Variants in CCDC63 observed in about 807,000 individuals in gnomAD.
CCDC63 encodes coiled-coil domain-containing protein 63.
Under a neutral mutation model 63.6 loss-of-function variants are expected in CCDC63, and 54 were observed. The ratio of observed to expected loss-of-function variants is 0.85; its 90% CI spans 0.68 to 1.07. The LOEUF is 1.07. Ranked by LOEUF, CCDC63 falls within the 50% of genes least tolerant of loss-of-function variation. The probability of loss-of-function intolerance (pLI) is 0.00; values close to 1 mark genes in which losing one functional copy is unlikely to be tolerated. For missense variants in CCDC63, 637 were observed against 689.6 expected, an observed-to-expected ratio of 0.92 and a Z score of 0.86; for synonymous variants, 253 against 266.1, an observed-to-expected ratio of 0.95 and a Z score of 0.48.
chr12:110,888,777 TG>T (rs2071316601), intron 8 of CCDC63, among the ~76,000 whole-genome samples: 1 of 150,712 alleles, frequency 6.6e-6, no homozygotes, highest in South Asian at 2.1e-4. Context: ...ACTTTTTTTT[TG>T]GTCCTTCTTT....
At chr12:110,845,986 TAC>T (rs916485849), upstream of CCDC63, 4 of 132,648 alleles carry the variant, frequency 3.0e-5, no homozygotes, top group African/African-American at 8.4e-5. Context: ...AAAAAAGAAA[TAC>T]ACAGGGTTTC....
chr12:110,863,616 C>G (rs1195093307), intron 4 of CCDC63, among the ~76,000 whole-genome samples: 1 of 151,256 alleles, frequency 6.6e-6, no homozygotes. Flanking sequence ...TCTCGGCTCA[C>G]TGCAACCTTT....
At chr12:110,844,527 C>T (rs764468761), upstream of CCDC63, among the ~76,000 whole-genome samples, 5 of 152,218 alleles carry the variant, frequency 3.3e-5, no homozygotes, top group Non-Finnish European at 5.9e-5. Flanking sequence ...AAAGCATCTC[C>T]CTCTACCCCA....
intron 9 of CCDC63, among the ~76,000 whole-genome samples, chr12:110,893,990 CAAAAA>C (rs35844792): frequency 6.8e-5 from 8 of 117,550 alleles, no homozygotes; most frequent in African/African-American, 1.7e-4. Context: ...GACCCTGTCT[CAAAAA>C]AAAAAAAAAA....
At position 110,893,090 on chromosome 12, in the gene CCDC63, C is replaced by G; in HGVS notation, c.1089C>G (p.Leu363=). 1 of 1,614,134 alleles carries G rather than the reference C, an allele frequency of 6.2e-7. No individual in the cohort carries two copies. Among genetic ancestry groups the G allele is most frequent in the Non-Finnish European group, 8.5e-7 (1 of 1,179,998 alleles). The change falls in exon 9 of 12, where the codon CTC becomes CTG. Residue 363 remains leucine (L), a synonymous_variant. Coordinates refer to ENST00000308208, the MANE Select transcript of CCDC63 (RefSeq NM_152591.3). ...CTCCCGAGCAGGACGAGATCATCCT[C>G]TTGCGATCCCAGCAGAAATTGTCCC... ...RTQRIQDEII[L]LRSQQKLSHD... is the part of the protein sequence containing the mutation.
At chr12:110,871,191 G>T (rs918617684) in intron 4 of CCDC63, among the ~76,000 whole-genome samples, 3 of 152,138 alleles carry the variant, frequency 2.0e-5, no homozygotes, top group Non-Finnish European at 4.4e-5. Flanking sequence ...GCCCAGGCTG[G>T]AGTGCAGTGG....
At chr12:110,852,667 GTT>G (rs2136640610) in intron 1 of CCDC63, among the ~76,000 whole-genome samples, 190 bp from the exon 2 acceptor site, 1 of 152,254 alleles carries the variant, frequency 6.6e-6, no homozygotes, top group African/African-American at 2.4e-5. Flanking sequence ...AGAGAACCAG[GTT>G]CCAGGCAAAC....
intron 3 of CCDC63, among the ~76,000 whole-genome samples, chr12:110,857,959 A>G (rs2070795852): frequency 6.6e-6 from 1 of 152,016 alleles, no homozygotes; most frequent in Non-Finnish European, 1.5e-5. Flanking sequence ...TACAAAAAGT[A>G]ACTGGGCATG....
chr12:110,907,395 GA>G lies in CCDC63; in HGVS notation c.1613del (p.Asn538IlefsTer24). The stretch of plus-strand genomic sequence containing the variant: ...TTCTCGACAATTATATCCTGAAGGA[GA>G]ATCGGAGTAAGGAAGTGCGCGGAGA... Reference protein sequence around the residue: ...LVLDNYILKENRSKEVRGDSL... With the variant: ...LVLDNYILKEXRSKEVRGDSL... On this transcript the variant is annotated frameshift_variant, in exon 12 of 12. Transcript: ENST00000308208. LOFTEE classifies it low-confidence loss of function (END_TRUNC). The surrounding 1 kb of genome is among the most constrained non-coding windows in gnomAD (Gnocchi z 4.4). 6.2e-7 allele frequency: 1 copy of G among 1,614,192 alleles called. No individual in the cohort carries two copies. Among genetic ancestry groups the G allele is most frequent in the South Asian group, 1.1e-5 (1 of 91,078 alleles).
intron 5 of CCDC63, among the ~76,000 whole-genome samples, chr12:110,878,077 ATTTCAC>A (rs1201330845): frequency 6.6e-6 from 1 of 152,056 alleles, no homozygotes; most frequent in African/African-American, 2.4e-5. Flanking sequence ...CGTCTGGCTT[ATTTCAC>A]TTAGCGTAAT....
intron 9 of CCDC63, among the ~76,000 whole-genome samples, chr12:110,894,346 G>C (rs1007974559): frequency 2.0e-5 from 3 of 152,112 alleles, no homozygotes; most frequent in Admixed American, 6.6e-5. Context: ...ACTTTTAGTT[G>C]GTCACATTGC....
chr12:110,906,026 ATATT>A (rs1566144812), intron 11 of CCDC63, among the ~76,000 whole-genome samples: 10 of 64,772 alleles, frequency 1.5e-4, no homozygotes, highest in Admixed American at 2.8e-4. Context: ...TATATATTAT[ATATT>A]ATAATAATAT....
At position 110,875,504 on chromosome 12, in the gene CCDC63, A is replaced by G. The variant is rs563610315; in HGVS notation, c.489+1543A>G. On this transcript the variant is annotated intron_variant, in intron 5 of 11. Coordinates refer to ENST00000308208, the MANE Select transcript of CCDC63 (RefSeq NM_152591.3). Reference sequence around the variant, plus strand: ...GTCACCTAGGCTGGAGTGCAGTGGCACGATCGTGGCTCACTGCAGCCTCAG... The same window carrying G: ...GTCACCTAGGCTGGAGTGCAGTGGCGCGATCGTGGCTCACTGCAGCCTCAG... 1.2e-3 allele frequency among the ~76,000 whole-genome samples: 189 copies of G among 151,690 alleles called. 1 individual carries two copies. Among genetic ancestry groups the G allele is most frequent in the Non-Finnish European group, 2.4e-4 (16 of 67,960 alleles).
At chr12:110,884,938 A>G (rs578257031) in intron 8 of CCDC63, among the ~76,000 whole-genome samples, 1 of 148,554 alleles carries the variant, frequency 6.7e-6, no homozygotes, top group Non-Finnish European at 1.5e-5. Context: ...GCCTCAAGTG[A>G]TCCACCTGCC....
intron 11 of CCDC63, among the ~76,000 whole-genome samples, chr12:110,906,791 G>T (rs1035831269): frequency 6.6e-6 from 1 of 152,252 alleles, no homozygotes; most frequent in Admixed American, 6.5e-5. Flanking sequence ...GTTCCTAAAA[G>T]GTTGGGGGGA....
chr12:110,898,796 GGA>G (rs2071447212), intron 9 of CCDC63, 135 bp from the exon 10 acceptor site: 2 of 508,306 alleles, frequency 3.9e-6, no homozygotes, highest in Admixed American at 7.4e-5. Context: ...AAATTTGATG[GGA>G]ACCCATTTAA....
intron 8 of CCDC63, 74 bp from the exon 9 acceptor site, chr12:110,893,002 C>A (rs946638112): frequency 1.7e-6 from 2 of 1,166,984 alleles, no homozygotes; most frequent in Non-Finnish European, 2.5e-6. Context: ...CTCTTTGAGG[C>A]GCACACTTAT....
chr12:110,905,825 C>T (rs2071552580), intron 11 of CCDC63, among the ~76,000 whole-genome samples: 1 of 125,868 alleles, frequency 7.9e-6, no homozygotes, highest in East Asian at 2.2e-4. Flanking sequence ...TGCGTGTGTA[C>T]ACACACACGT....
rs570904373 is a variant in CCDC63 at position 110,901,709 on chromosome 12, A to T, written c.1342+2584A>T. On this transcript the variant is annotated intron_variant, in intron 10 of 11. Coordinates refer to ENST00000308208, the MANE Select transcript of CCDC63 (RefSeq NM_152591.3). ...TGTCTTTCTGTGCCTGGCTTATTTC[A>T]GTTAACATAATGACCTCCAGTTCCA... Among the ~76,000 whole-genome samples the T allele has an allele frequency of 5.3e-5, 8 of 152,242 alleles. No individual in the cohort carries two copies. In the South Asian group the frequency reaches 8.3e-4, roughly 16 times the overall value.
Sources: gnomAD v4.1 joint callset for allele counts (sites outside exome capture counted in the v4.1 genomes callset) on GRCh38, gnomAD v4.1.1 for gene constraint, Gnocchi (gnomAD v3.1) non-coding constraint, MANE v1.5 for transcripts, NCBI Gene and HGNC (gene_info 2026-07-23, HGNC 2026-07-21) for gene names.